WARS1: variants seen among roughly 807,000 people sequenced by gnomAD.
The protein encoded by WARS1 is tryptophan--tRNA ligase, cytoplasmic.
Under a neutral mutation model 47.8 loss-of-function variants are expected in WARS1, and 17 were observed. The observed-to-expected ratio is 0.36, with a 90% CI of 0.24 to 0.53. The LOEUF (loss-of-function observed/expected upper bound fraction) is 0.53. Ranked by LOEUF, WARS1 falls within the 20% of genes least tolerant of loss-of-function variation. WARS1 has a pLI of 0.91. For missense variants in WARS1, 434 were observed against 608.0 expected (o/e 0.71, Z 3.01); for synonymous variants, 208 against 228.1 (o/e 0.91, Z 0.79).
At chr14:100,356,407 G>T (rs930008108) in intron 4 of WARS1, among the ~76,000 whole-genome samples, 1 of 144,760 alleles carries the variant, frequency 6.9e-6, no homozygotes. Flanking sequence ...GTGGGGGGGG[G>T]TGTGGAATAA....
rs146175564 is a variant in WARS1 at position 100,355,324 on chromosome 14, G to A, written c.423-758C>T. On this transcript the variant is annotated intron_variant, in intron 4 of 10. Coordinates refer to ENST00000392882, the MANE Select transcript of WARS1 (RefSeq NM_004184.4). The stretch of plus-strand genomic sequence containing the variant: ...CAACCTCTGCCTCCTGGGTTCAAGC[G>A]ATTCTCCTGCCTCAGCCTCCCGAGT... Among the ~76,000 whole-genome samples, 239 of 152,080 alleles carry A rather than the reference G, an allele frequency of 1.6e-3. 8 individuals are homozygous for A. In the East Asian group the frequency reaches 0.043, roughly 27 times the overall value.
At position 100,346,760 on chromosome 14, in the gene WARS1, T is replaced by C. The variant is rs976918320; in HGVS notation, c.812A>G (p.Asp271Gly). The C allele has an allele frequency of 5.6e-6, 9 of 1,614,064 alleles. No homozygotes were observed. The highest frequency in any genetic ancestry group is 7.6e-6 in the Non-Finnish European group (9 of 1,179,922). Residue 271 changes from aspartate (D) to glycine (G), a missense_variant, in exon 7 of 11, where the codon GAC becomes GGC. Transcript: ENST00000392882. ...NQVKGIFGFT[D>G]SDCIGKISFP... ...GGGCCTCTTACCAATGCAGTCGCTG[T>C]CAGTGAAGCCGAAAATGCCTTTCAC...
chr14:100,337,257 G>A (rs191685492), intron 9 of WARS1, 55 bp from the exon 10 acceptor site: 1 of 1,588,018 alleles, frequency 6.3e-7, no homozygotes, highest in East Asian at 2.3e-5. Flanking sequence ...CCTGTGCCTG[G>A]ACACTGGCTA....
At chr14:100,353,936 T>A in intron 5 of WARS1, 67 bp from the exon 6 acceptor site, 1 of 1,444,018 alleles carries the variant, frequency 6.9e-7, no homozygotes, top group East Asian at 2.3e-5. Flanking sequence ...ATCGTGCATC[T>A]GAAAACACAG....
chr14:100,344,966 C>G (rs1418259936), intron 7 of WARS1, among the ~76,000 whole-genome samples: 1 of 150,760 alleles, frequency 6.6e-6, no homozygotes, highest in Non-Finnish European at 1.5e-5. Flanking sequence ...GTCAGCCCCC[C>G]GCCCGGCCAG....
In WARS1 at chr14:100,373,681, T is replaced by C. The variant is rs74618203; in HGVS notation, c.-74+1602A>G. ...AAACAGGACTTGCATTTAGGGTCCATGTTGCAGGGAAAAACATGTGTCTAT... is the reference window on the plus strand; with the variant it reads ...AAACAGGACTTGCATTTAGGGTCCACGTTGCAGGGAAAAACATGTGTCTAT... On this transcript the variant is annotated intron_variant, in intron 1 of 10. Transcript: ENST00000392882. This position sits in a 1 kb window ranked among gnomAD's most constrained non-coding sequence, Gnocchi z 4.4. Among the ~76,000 whole-genome samples, 4,554 of 152,288 alleles carry C rather than the reference T, an allele frequency of 0.03. 230 individuals are homozygous for C. Among genetic ancestry groups the C allele is most frequent in the African/African-American group, 0.1 (4,357 of 41,546 alleles).
chr14:100,351,349 C>T lies in WARS1; in HGVS notation c.725+2338G>A, dbSNP rs1402995722. 3.3e-5 allele frequency among the ~76,000 whole-genome samples: 5 copies of T among 151,958 alleles called. No homozygotes were observed. In the East Asian group the frequency reaches 7.7e-4, roughly 23 times the overall value. ...GGGGTGAGAATAAGGAAATAAAGTG[C>T]CATGAAAATTATACTAACACGGCTG... On this transcript the variant is annotated intron_variant, in intron 6 of 10. Coordinates refer to ENST00000392882, the MANE Select transcript of WARS1 (RefSeq NM_004184.4).
intron 10 of WARS1, 137 bp downstream of exon 10, chr14:100,336,925 G>A: frequency 1.7e-6 from 2 of 1,211,846 alleles, no homozygotes; most frequent in Non-Finnish European, 2.3e-6. Context: ...ATGAGGGCGA[G>A]TCTACTCAGT....
chr14:100,365,826 T>C (rs1895952022), intron 2 of WARS1: 1 of 259,876 alleles, frequency 3.8e-6, no homozygotes, highest in Admixed American at 4.7e-5. Flanking sequence ...AGCTGATGAA[T>C]GATCAGTGCC....
chr14:100,372,188 G>T (rs1566871289), intron 1 of WARS1, among the ~76,000 whole-genome samples: 1 of 151,940 alleles, frequency 6.6e-6, no homozygotes, highest in Non-Finnish European at 1.5e-5. Flanking sequence ...GACTCAGCCC[G>T]CCTGCAGCCA....
At chr14:100,366,247 C>G (rs931730359) in intron 2 of WARS1, among the ~76,000 whole-genome samples, 4 of 152,184 alleles carry the variant, frequency 2.6e-5, no homozygotes, top group African/African-American at 9.7e-5. Flanking sequence ...CTCACCCCCT[C>G]TGAACAGTGG....
chr14:100,339,103 T>TCACACACACACACACACACA (rs528163285), intron 9 of WARS1, among the ~76,000 whole-genome samples: 1 of 145,298 alleles, frequency 6.9e-6, no homozygotes, highest in African/African-American at 2.6e-5. Flanking sequence ...TGAAACTCCA[T>TCACACACACACACACACACA]CACACACACA....
At chr14:100,345,094 A>AAGT (rs1894497904) in intron 7 of WARS1, among the ~76,000 whole-genome samples, 1 of 137,692 alleles carries the variant, frequency 7.3e-6, no homozygotes, top group African/African-American at 2.7e-5. Flanking sequence ...CCGGGAGGTG[A>AAGT]GGGGCGCCTC....
intron 7 of WARS1, among the ~76,000 whole-genome samples, chr14:100,346,077 G>A (rs921187252): frequency 2.0e-5 from 3 of 152,262 alleles, no homozygotes; most frequent in Non-Finnish European, 4.4e-5. Context: ...CAAACATCAA[G>A]TAGAGGAGGG....
At chr14:100,368,414 G>C (rs988378454) in intron 2 of WARS1, 3 of 456,020 alleles carry the variant, frequency 6.6e-6, no homozygotes, top group Non-Finnish European at 1.3e-5. Flanking sequence ...CTGCCTGGAC[G>C]GGAAGTGGTT....
At chr14:100,340,366 G>A (rs976420228) in intron 9 of WARS1, 2 of 152,328 alleles carry the variant, frequency 1.3e-5, no homozygotes, top group Non-Finnish European at 2.9e-5. Flanking sequence ...ATGCCGAATG[G>A]ACACAGCCAG....
At chr14:100,368,515 G>A in intron 2 of WARS1, 1 of 455,890 alleles carries the variant, frequency 2.2e-6, no homozygotes, top group Non-Finnish European at 4.4e-6. Flanking sequence ...TTACAGATAT[G>A]GGGAGTACAT....
At chr14:100,344,028 C>T (rs866004588) in intron 7 of WARS1, among the ~76,000 whole-genome samples, 9 of 151,522 alleles carry the variant, frequency 5.9e-5, no homozygotes, top group African/African-American at 1.9e-4. Context: ...CTCTAGCCAC[C>T]TTCCACCTTT....
At chr14:100,351,370 G>A (rs914372331) in intron 6 of WARS1, among the ~76,000 whole-genome samples, 5 of 152,060 alleles carry the variant, frequency 3.3e-5, no homozygotes, top group Admixed American at 1.3e-4. Context: ...ATACTAACAC[G>A]GCTGGGCATG....
Sources: allele counts gnomAD v4.1 joint callset (sites outside exome capture counted in the v4.1 genomes callset), GRCh38; gene constraint gnomAD v4.1.1; non-coding constraint Gnocchi (gnomAD v3.1); transcripts MANE v1.5; gene names NCBI Gene and HGNC (gene_info 2026-07-23, HGNC 2026-07-21).